The following TMPRSS6 variants were observed in gnomAD, a reference collection of about 807,000 sequenced individuals.
TMPRSS6 encodes the protein transmembrane protease serine 6.
In TMPRSS6, 67 loss-of-function variants were observed where a neutral mutation model predicts 101.5. The ratio of observed to expected loss-of-function variants is 0.66; its 90% CI spans 0.54 to 0.81. The LOEUF is 0.81. TMPRSS6 is among the 30% of genes least tolerant of loss of function. The pLI, the probability that TMPRSS6 is intolerant of heterozygous loss-of-function variation, is 0.00. For synonymous variants in TMPRSS6, 453 were observed against 464.9 expected (o/e 0.97, Z 0.33); for missense variants, 1,034 against 1,088.7 (o/e 0.95, Z 0.71).
At position 37,073,710 on chromosome 22, in the gene TMPRSS6, A is replaced by G. The variant is rs1411770328; in HGVS notation, c.1442-65T>C. On this transcript the variant is annotated intron_variant, in intron 12 of 17. Coordinates refer to ENST00000676104, the MANE Select transcript of TMPRSS6 (RefSeq NM_001374504.1). ...CAGAGGAGCCAGCCGGGGCTTGGCGATGCCTGTAGAAGGTGTGCTGTATTG... is the reference window on the plus strand; with the variant it reads ...CAGAGGAGCCAGCCGGGGCTTGGCGGTGCCTGTAGAAGGTGTGCTGTATTG... 3 of 1,006,924 alleles carry G rather than the reference A, an allele frequency of 3.0e-6. No homozygotes were observed. The African/African-American group carries it at 4.8e-5, about 16-fold the overall frequency. 62.4% of individuals were successfully genotyped at this position (1,006,924 alleles called of 1,614,324 possible).
chr22:37,070,559 C>A lies in TMPRSS6; in HGVS notation c.1766G>T (p.Gly589Val), dbSNP rs1926796117. 1 of 1,613,224 alleles carries A rather than the reference C, an allele frequency of 6.2e-7. No individual in the cohort carries two copies. Residue 589 changes from glycine (G) to valine (V), a missense_variant, in exon 15 of 18, where the codon GGT (glycine) becomes GTT (valine). Transcript: ENST00000676104. ...WPWQASLQVR[G>V]RHICGGALIA... ...GAGGGCCCCCCCACAGATGTGTCGA[C>A]CCCGAACCTGGAGGCTGGCCTGCCA... is the stretch of plus-strand genomic sequence containing the variant.
In TMPRSS6 at chr22:37,069,124, C is replaced by G. The variant is rs897224521; in HGVS notation, c.2062G>C (p.Glu688Gln). The G allele has an allele frequency of 3.2e-6, 5 of 1,564,628 alleles. No individual in the cohort carries two copies. The African/African-American group carries it at 6.8e-5, about 21-fold the overall frequency. The change falls in exon 16 of 18, where the codon GAG becomes CAG. Residue 688 changes from glutamate (E) to glutamine (Q), a missense_variant. Glu to Gln is a conservative substitution (Grantham distance 29). Transcript: ENST00000676104. The surrounding 1 kb of genome is among the most constrained non-coding windows in gnomAD (Gnocchi z 4.8). ...VCLPARSHFFEPGLHCWITGW... is the reference protein window; with the variant it reads ...VCLPARSHFFQPGLHCWITGW... ...GTAATCCAGCAGTGCAGGCCGGGCTCGAAGAAGTGGGAGCGCGCGGGCAGG... is the reference window on the plus strand; with the variant it reads ...GTAATCCAGCAGTGCAGGCCGGGCTGGAAGAAGTGGGAGCGCGCGGGCAGG...
chr22:37,082,877 G>A (rs1295101155), intron 10 of TMPRSS6: 5 of 440,728 alleles, frequency 1.1e-5, no homozygotes, highest in African/African-American at 2.0e-5. Context: ...TTTAATCCTA[G>A]TCCCAGATAA....
In TMPRSS6 at chr22:37,086,413, G is replaced by GTA. The variant is rs1569013061; in HGVS notation, c.841_842dup (p.Gly282ThrfsTer48). On this transcript the variant is annotated frameshift_variant, in exon 8 of 18. Coordinates refer to ENST00000676104, the MANE Select transcript of TMPRSS6 (RefSeq NM_001374504.1). LOFTEE classifies it high-confidence loss of function. ...CCACGGGCTCCTGGCGGCTGCAGCC[G>GTA]TACACCCTGGCAGAACAGAAAGGTG... is the stretch of plus-strand genomic sequence containing the variant. The GTA allele has an allele frequency of 6.3e-7, 1 of 1,583,454 alleles. No homozygotes were observed. Among genetic ancestry groups the GTA allele is most frequent in the Admixed American group, 1.8e-5 (1 of 55,100 alleles).
chr22:37,104,380 T>A (rs1012036166), intron 1 of TMPRSS6, among the ~76,000 whole-genome samples: 1 of 152,194 alleles, frequency 6.6e-6, no homozygotes, highest in African/African-American at 2.4e-5. Context: ...AGTCTAGATG[T>A]CTGACTCCCT....
chr22:37,110,228 C>G (rs1304628171), upstream of TMPRSS6, among the ~76,000 whole-genome samples: 1 of 151,136 alleles, frequency 6.6e-6, no homozygotes, highest in Non-Finnish European at 1.5e-5. Context: ...ACTGCAACCT[C>G]CGCCTCCCGG....
chr22:37,083,116 A>C (rs942090578), intron 10 of TMPRSS6: 2 of 470,746 alleles, frequency 4.2e-6, no homozygotes, highest in Non-Finnish European at 8.8e-6. Flanking sequence ...CAAATCTTTC[A>C]TACTAGACTC....
At chr22:37,110,288 G>A (rs946356032), upstream of TMPRSS6, among the ~76,000 whole-genome samples, 8 of 151,274 alleles carry the variant, frequency 5.3e-5, no homozygotes, top group African/African-American at 1.9e-4. Context: ...GGATTACAGC[G>A]CCCACCACCA....
chr22:37,068,839 C>T (rs2077287969), intron 16 of TMPRSS6, among the ~76,000 whole-genome samples: 1 of 152,242 alleles, frequency 6.6e-6, no homozygotes, highest in Non-Finnish European at 1.5e-5. Context: ...TTGCCCCACA[C>T]ATAACGCCCT....
intron 10 of TMPRSS6, chr22:37,082,795 C>T (rs1219416252): frequency 1.1e-5 from 4 of 366,420 alleles, no homozygotes; most frequent in African/African-American, 2.1e-5. Context: ...CAGCACAGGC[C>T]CAAAGTCACT....
rs1404196593 is a variant in TMPRSS6 at position 37,101,835 on chromosome 22, C to T, written c.202+1381G>A. On this transcript the variant is annotated intron_variant, in intron 2 of 17. Transcript: ENST00000676104. The surrounding 1 kb of genome is among the most constrained non-coding windows in gnomAD (Gnocchi z 4.1). ...CCAGCCCAGTGCCCCGTGGTTTACC[C>T]TGTAGACTAATTAGCCCGCTACCTG... Among the ~76,000 whole-genome samples the T allele has an allele frequency of 1.3e-5, 2 of 152,214 alleles. No individual in the cohort carries two copies. The highest frequency in any genetic ancestry group is 2.9e-5 in the Non-Finnish European group (2 of 68,026).
intron 11 of TMPRSS6, 119 bp downstream of exon 11, chr22:37,075,016 C>CAT: frequency 6.6e-7 from 1 of 1,508,864 alleles, no homozygotes; most frequent in Non-Finnish European, 9.2e-7. Flanking sequence ...CACACACACA[C>CAT]TCTCTCTCTC....
intron 15 of TMPRSS6, 114 bp downstream of exon 15, chr22:37,070,370 G>A (rs1926768942): frequency 7.3e-7 from 1 of 1,376,550 alleles, no homozygotes; most frequent in Non-Finnish European, 1.0e-6. Flanking sequence ...AGCCTGTCTG[G>A]GGGGTCCACC....
At position 37,096,499 on chromosome 22, in the gene TMPRSS6, G is replaced by A. The variant is rs942097822; in HGVS notation, c.404+149C>T. ...CTACAGATGAGCCCAGTGAAGGGAG[G>A]GTGACATGCAGGAAGCCAAGTTCCC... On this transcript the variant is annotated intron_variant, in intron 4 of 17. Coordinates refer to ENST00000676104, the MANE Select transcript of TMPRSS6 (RefSeq NM_001374504.1). 2.0e-5 allele frequency: 17 copies of A among 837,698 alleles called. No homozygotes were observed. The African/African-American group carries it at 2.9e-4, about 14-fold the overall frequency. The allele number at this position is 837,698 out of a possible 1,614,324, so 51.9% of individuals were successfully genotyped here.
At chr22:37,076,367 CG>C (rs909468488) in intron 10 of TMPRSS6, among the ~76,000 whole-genome samples, 2 of 152,180 alleles carry the variant, frequency 1.3e-5, no homozygotes, top group East Asian at 1.9e-4. Flanking sequence ...CATGGCCACA[CG>C]GGGTGGGACC....
chr22:37,066,822 T>C lies in TMPRSS6; in HGVS notation c.2250+4A>G, dbSNP rs1482889913. 1 of 1,614,176 alleles carries C rather than the reference T, an allele frequency of 6.2e-7. No individual in the cohort carries two copies. The highest frequency in any genetic ancestry group is 8.5e-7 in the Non-Finnish European group (1 of 1,180,028). The stretch of plus-strand genomic sequence containing the variant: ...TCTCTCCCTCCCATGCCCGGGGGAC[T>C]CACCTGACAGGCATCCTTCTTGCCC... On this transcript the variant is annotated splice_donor_region_variant and intron_variant, in intron 17 of 17. Coordinates refer to ENST00000676104, the MANE Select transcript of TMPRSS6 (RefSeq NM_001374504.1).
intron 10 of TMPRSS6, among the ~76,000 whole-genome samples, chr22:37,081,410 G>A (rs1438255398): frequency 6.6e-6 from 1 of 152,174 alleles, no homozygotes; most frequent in African/African-American, 2.4e-5. Flanking sequence ...ACACTTAAGC[G>A]CTTTCCACCT....
At chr22:37,089,963 C>A (rs1253984799) in intron 6 of TMPRSS6, among the ~76,000 whole-genome samples, 181 bp from the exon 7 acceptor site, 1 of 152,252 alleles carries the variant, frequency 6.6e-6, no homozygotes, top group African/African-American at 2.4e-5. Context: ...CTCATTCATG[C>A]ATTTGTTCAT....
chr22:37,084,355 A>G lies in TMPRSS6; in HGVS notation c.1136T>C (p.Leu379Pro). The G allele has an allele frequency of 6.2e-7, 1 of 1,613,582 alleles. No homozygotes were observed. The highest frequency in any genetic ancestry group is 8.5e-7 in the Non-Finnish European group (1 of 1,179,746). The change falls in exon 10 of 18, where the codon CTG (leucine) becomes CCG (proline). Residue 379 changes from leucine to proline, a missense_variant. Transcript: ENST00000676104. ...CGGCAAATCATACTTCTGCCTCCTC[A>G]GTGCATAGGCATCAAACCAGAGGGC... ...GLALWFDAYALRRQKYDLPCT... is the reference protein window; with the variant it reads ...GLALWFDAYAPRRQKYDLPCT...
Sources: allele counts gnomAD v4.1 joint callset (sites outside exome capture counted in the v4.1 genomes callset), GRCh38; gene constraint gnomAD v4.1.1; non-coding constraint Gnocchi (gnomAD v3.1); transcripts MANE v1.5; gene names NCBI Gene and HGNC (gene_info 2026-07-23, HGNC 2026-07-21).